The following THSD7B variants were observed in gnomAD, a reference collection of about 807,000 sequenced individuals.
THSD7B encodes the protein thrombospondin type-1 domain-containing protein 7B.
Under a neutral mutation model 213.6 loss-of-function variants are expected in THSD7B, and 138 were observed. That is an observed-to-expected ratio of 0.65 (90% confidence interval 0.56 to 0.74). THSD7B has a LOEUF of 0.74. Among genes scored for constraint, THSD7B ranks in the 30% least tolerant of loss-of-function variants. The pLI, the probability that THSD7B is intolerant of heterozygous loss-of-function variation, is 0.00. For synonymous variants in THSD7B, 742 were observed against 687.0 expected (o/e 1.08, Z -1.25); for missense variants, 1,931 against 1,991.5 (o/e 0.97, Z 0.58).
intron 2 of THSD7B, among the ~76,000 whole-genome samples, chr2:136,998,261 CA>C (rs33931359): frequency 0.13 from 12,681 of 98,186 alleles, 658 homozygotes; most frequent in East Asian, 0.38. Context: ...ACTAAAAGGC[CA>C]AAAAAAAAAA....
At chr2:137,371,593 T>C (rs1268215900) in intron 12 of THSD7B, among the ~76,000 whole-genome samples, 1 of 152,194 alleles carries the variant, frequency 6.6e-6, no homozygotes, top group Non-Finnish European at 1.5e-5. Context: ...TTTTTAATGA[T>C]TTCCTCCCTG....
At chr2:137,046,509 C>T (rs1333505578) in intron 2 of THSD7B, among the ~76,000 whole-genome samples, 1 of 151,986 alleles carries the variant, frequency 6.6e-6, no homozygotes, top group Non-Finnish European at 1.5e-5. Flanking sequence ...GTGGGCAGAT[C>T]GCCTGAGGTC....
chr2:137,543,551 T>A, intron 15 of THSD7B, among the ~76,000 whole-genome samples: 1 of 151,846 alleles, frequency 6.6e-6, no homozygotes, highest in East Asian at 1.9e-4. Context: ...GATATACATC[T>A]TTATGATCAT....
intron 15 of THSD7B, among the ~76,000 whole-genome samples, chr2:137,481,954 G>A (rs1688318523): frequency 6.6e-6 from 1 of 152,148 alleles, no homozygotes; most frequent in Non-Finnish European, 1.5e-5. Context: ...AAGGCAGGCG[G>A]ATCACGAGGT....
rs537115440 is a variant in THSD7B, at chr2:137,090,043, TACTC to T, written c.951-4828_951-4825del. On this transcript the variant is annotated intron_variant, in intron 3 of 27. Coordinates refer to ENST00000409968, the MANE Select transcript of THSD7B (RefSeq NM_001316349.2). ...AAAAAAGAAAAAAGAAAAAAGAACT[TACTC>T]ATGTCACCAAACACCACTGTTCTCC... is the stretch of plus-strand genomic sequence containing the variant. Among the ~76,000 whole-genome samples the T allele has an allele frequency of 3.6e-4, 55 of 151,542 alleles. 1 individual carries two copies. In the South Asian group the frequency reaches 9.6e-3, roughly 27 times the overall value.
intron 2 of THSD7B, chr2:136,991,047 G>A (rs909350756): frequency 9.8e-6 from 9 of 920,670 alleles, no homozygotes; most frequent in African/African-American, 1.7e-5. Flanking sequence ...AGATGGTTAT[G>A]TGTTAAATAA....
At chr2:137,154,615 A>G in intron 5 of THSD7B, among the ~76,000 whole-genome samples, 1 of 152,258 alleles carries the variant, frequency 6.6e-6, no homozygotes, top group African/African-American at 2.4e-5. Flanking sequence ...GGGAAAATGT[A>G]TACTCATTGA....
intron 2 of THSD7B, among the ~76,000 whole-genome samples, chr2:136,914,194 G>A (rs576855409): frequency 2.6e-5 from 4 of 152,268 alleles, no homozygotes; most frequent in South Asian, 4.1e-4. Context: ...TCGGACATAC[G>A]TGGGCCCTGT....
chr2:137,536,530 C>T (rs1017120392), intron 15 of THSD7B, among the ~76,000 whole-genome samples: 1 of 151,330 alleles, frequency 6.6e-6, no homozygotes, highest in East Asian at 2.0e-4. Flanking sequence ...TTTACTAAAG[C>T]CAAGAAGAAA....
intron 12 of THSD7B, among the ~76,000 whole-genome samples, chr2:137,378,225 T>C (rs1685702389): frequency 6.6e-6 from 1 of 152,202 alleles, no homozygotes; most frequent in Non-Finnish European, 1.5e-5. Context: ...TGACAATGTC[T>C]TAAAGAATAT....
intron 2 of THSD7B, among the ~76,000 whole-genome samples, chr2:136,918,087 T>G (rs868155449): frequency 6.6e-6 from 1 of 152,118 alleles, no homozygotes; most frequent in African/African-American, 2.4e-5. Context: ...GTAAATACAG[T>G]TGGTTGTGGA....
intron 17 of THSD7B, among the ~76,000 whole-genome samples, chr2:137,588,515 G>C (rs1392080172): frequency 6.9e-6 from 1 of 144,014 alleles, no homozygotes; most frequent in East Asian, 2.0e-4. Flanking sequence ...ATTTTATCTT[G>C]TGGTTATAGT....
intron 1 of THSD7B, among the ~76,000 whole-genome samples, chr2:136,870,310 G>A (rs1558832710): frequency 6.6e-6 from 1 of 152,092 alleles, no homozygotes; most frequent in Non-Finnish European, 1.5e-5. Flanking sequence ...TGAAGTTATG[G>A]TCCAAGATTA....
At chr2:136,971,248 T>C (rs1228353984) in intron 2 of THSD7B, among the ~76,000 whole-genome samples, 2 of 152,164 alleles carry the variant, frequency 1.3e-5, no homozygotes, top group African/African-American at 4.8e-5. Flanking sequence ...TAAAAATGCA[T>C]TGATAGGTCA....
At chr2:137,030,748 A>G (rs976916123) in intron 2 of THSD7B, among the ~76,000 whole-genome samples, 10 of 152,140 alleles carry the variant, frequency 6.6e-5, no homozygotes, top group Non-Finnish European at 1.5e-4. Context: ...ACAGAGTGGT[A>G]TAATGGACAC....
At chr2:136,921,004 C>T (rs1484373784) in intron 2 of THSD7B, among the ~76,000 whole-genome samples, 1 of 152,042 alleles carries the variant, frequency 6.6e-6, no homozygotes, top group African/African-American at 2.4e-5. Flanking sequence ...CCCTGAGAGC[C>T]CAGGGATGCC....
chr2:137,083,815 G>GA (rs1687789667), intron 3 of THSD7B, among the ~76,000 whole-genome samples: 1 of 152,014 alleles, frequency 6.6e-6, no homozygotes, highest in African/African-American at 2.4e-5. Context: ...CTATAATTTG[G>GA]GCAAGCTGCT....
intron 12 of THSD7B, among the ~76,000 whole-genome samples, chr2:137,329,562 T>G (rs562286139): frequency 6.6e-6 from 1 of 152,262 alleles, no homozygotes; most frequent in African/African-American, 2.4e-5. Context: ...AGACGGGGTT[T>G]CACCATGTTG....
At chr2:137,472,178 G>T (rs1688107269) in intron 15 of THSD7B, among the ~76,000 whole-genome samples, 1 of 152,114 alleles carries the variant, frequency 6.6e-6, no homozygotes, top group South Asian at 2.1e-4. Context: ...CTTAATGCCA[G>T]AATATGAGAT....
Sources: allele counts gnomAD v4.1 joint callset (sites outside exome capture counted in the v4.1 genomes callset), GRCh38; gene constraint gnomAD v4.1.1; transcripts MANE v1.5; gene names NCBI Gene and HGNC (gene_info 2026-07-23, HGNC 2026-07-21).